DCPS: variants seen among roughly 807,000 people sequenced by gnomAD.
DCPS encodes the protein m7GpppX diphosphatase.
DCPS carries 27 observed loss-of-function variants against 34.7 expected under a neutral mutation model. That is an observed-to-expected ratio of 0.78 (90% CI 0.57 to 1.07). The LOEUF is 1.07. Ranked by LOEUF, DCPS falls within the 50% of genes least tolerant of loss-of-function variation. DCPS has a pLI of 0.00. For synonymous variants in DCPS, 185 were observed against 185.7 expected (o/e 1.00, Z 0.03); for missense variants, 464 against 436.9 (o/e 1.06, Z -0.55).
Position 126,336,700 on chromosome 11 carries a change from A to G in DCPS, c.523-1586A>G, listed in dbSNP as rs558833980. On this transcript the variant is annotated intron_variant, in intron 3 of 5. Coordinates refer to ENST00000263579, the MANE Select transcript of DCPS (RefSeq NM_014026.6). The surrounding 1 kb of genome is among the most constrained non-coding windows in gnomAD (Gnocchi z 6.3). ...TGGCTTCCTCTGGCATCACATTCCC[A>G]GGAGATTTCAGGTCAGAGAGGAAAT... is the stretch of plus-strand genomic sequence containing the variant. 3.3e-5 allele frequency: 5 copies of G among 152,344 alleles called. No individual in the cohort carries two copies. The East Asian group carries it at 9.7e-4, about 29-fold the overall frequency. The allele number at this position is 152,344 out of a possible 1,614,324, so 9.4% of individuals were successfully genotyped here. A position where few individuals can be genotyped will look rare whatever the true frequency, so the allele number is the denominator to read the frequency against.
chr11:126,348,872 A>G lies in DCPS; in HGVS notation c.*3259A>G, dbSNP rs116520811. On this transcript the variant is annotated 3_prime_UTR_variant, in exon 6 of 6. Transcript: ENST00000263579. The surrounding 1 kb of genome is among the most constrained non-coding windows in gnomAD (Gnocchi z 5.3). ...TATAGCAGATCATTTCATGACCCAC[A>G]TTCTCCTTCCTTTTTACGAAGAAAT... Among the ~76,000 whole-genome samples the G allele has an allele frequency of 3.9e-3, 588 of 152,248 alleles. 3 individuals are homozygous for G. Among genetic ancestry groups the G allele is most frequent in the African/African-American group, 0.013 (550 of 41,550 alleles).
At position 126,345,317 on chromosome 11, in the gene DCPS, C is replaced by T; in HGVS notation, c.748-30C>T. 6.2e-7 allele frequency: 1 copy of T among 1,612,046 alleles called. No homozygotes were observed. The highest frequency in any genetic ancestry group is 8.5e-7 in the Non-Finnish European group (1 of 1,179,364). The stretch of plus-strand genomic sequence containing the variant: ...CGCCGGGCCTCAGGCAGCACGGTGA[C>T]TCCTGACCTGCCTGCCCCTGTCTCA... On this transcript the variant is annotated intron_variant, in intron 5 of 5. Transcript: ENST00000263579. The surrounding 1 kb of genome is among the most constrained non-coding windows in gnomAD (Gnocchi z 7.4).
chr11:126,307,251 T>G (rs1159578103), intron 2 of DCPS, among the ~76,000 whole-genome samples: 1 of 150,768 alleles, frequency 6.6e-6, no homozygotes, highest in African/African-American at 2.4e-5. Flanking sequence ...GAGACTCGCT[T>G]GAACCCAGGA....
At position 126,348,314 on chromosome 11, in the gene DCPS, T is replaced by C. The variant is rs1951956121; in HGVS notation, c.*2701T>C. Reference sequence around the variant, plus strand: ...CCTCTCTGGGATAGCGTCCCCTCACTCCTCTCCCAGCCTCGTTTATCTTCA... The same window carrying C: ...CCTCTCTGGGATAGCGTCCCCTCACCCCTCTCCCAGCCTCGTTTATCTTCA... On this transcript the variant is annotated 3_prime_UTR_variant, in exon 6 of 6. Coordinates refer to ENST00000263579, the MANE Select transcript of DCPS (RefSeq NM_014026.6). The surrounding 1 kb of genome is among the most constrained non-coding windows in gnomAD (Gnocchi z 5.3). Among the ~76,000 whole-genome samples the C allele has an allele frequency of 6.6e-6, 1 of 152,038 alleles. No homozygotes were observed. Among genetic ancestry groups the C allele is most frequent in the Non-Finnish European group, 1.5e-5 (1 of 67,996 alleles).
intron 2 of DCPS, among the ~76,000 whole-genome samples, chr11:126,326,522 A>G (rs1372832545): frequency 6.6e-6 from 1 of 152,222 alleles, no homozygotes; most frequent in Non-Finnish European, 1.5e-5. Context: ...ATAGTGTTAT[A>G]GGGCTGAGGT....
intron 2 of DCPS, among the ~76,000 whole-genome samples, chr11:126,326,696 T>G (rs1786699): frequency 0.59 from 90,021 of 151,994 alleles, 27,247 homozygotes; most frequent in East Asian, 0.98. Flanking sequence ...GGCCGAGGCA[T>G]GTGGATCACG....
At position 126,340,366 on chromosome 11, in the gene DCPS, G is replaced by C. The variant is rs186494068; in HGVS notation, c.636+1967G>C. On this transcript the variant is annotated intron_variant, in intron 4 of 5. Coordinates refer to ENST00000263579, the MANE Select transcript of DCPS (RefSeq NM_014026.6). Reference sequence around the variant, plus strand: ...AGACAGAGTCTCACTCTGTTGCCCAGGCTGGAGTGTAGTGGTGTGATCTCA... The same window carrying C: ...AGACAGAGTCTCACTCTGTTGCCCACGCTGGAGTGTAGTGGTGTGATCTCA... Among the ~76,000 whole-genome samples the C allele has an allele frequency of 2.0e-5, 3 of 151,824 alleles. No individual in the cohort carries two copies. The East Asian group carries it at 5.8e-4, about 29-fold the overall frequency.
rs1466014344 is a variant in DCPS at position 126,332,414 on chromosome 11, C to T, written c.522+864C>T. Among the ~76,000 whole-genome samples the T allele has an allele frequency of 6.6e-6, 1 of 152,220 alleles. No homozygotes were observed. Among genetic ancestry groups the T allele is most frequent in the African/African-American group, 2.4e-5 (1 of 41,450 alleles). On this transcript the variant is annotated intron_variant, in intron 3 of 5. Coordinates refer to ENST00000263579, the MANE Select transcript of DCPS (RefSeq NM_014026.6). The surrounding 1 kb of genome is among the most constrained non-coding windows in gnomAD (Gnocchi z 5.4). ...CTTATTGATGAGTCAGTTTCTTGCC[C>T]ACTCACTGACTCTGACACTGTGCCT...
chr11:126,316,944 C>G (rs1305864680), intron 2 of DCPS, among the ~76,000 whole-genome samples: 1 of 146,400 alleles, frequency 6.8e-6, no homozygotes, highest in East Asian at 2.0e-4. Context: ...GTGTGACCCA[C>G]CATGCCCGGC....
intron 2 of DCPS, among the ~76,000 whole-genome samples, chr11:126,318,178 G>T (rs1398660363): frequency 6.6e-6 from 1 of 152,184 alleles, no homozygotes; most frequent in Non-Finnish European, 1.5e-5. Flanking sequence ...GTCTCTAATA[G>T]CAGCTCTGTG....
rs1951852867 is a variant in DCPS, at chr11:126,338,515, A to G, written c.636+116A>G. The G allele has an allele frequency of 3.1e-6, 3 of 964,508 alleles. No homozygotes were observed. The highest frequency in any genetic ancestry group is 2.9e-5 in the South Asian group (2 of 69,190). The allele number at this position is 964,508 out of a possible 1,614,324, so 59.7% of individuals were successfully genotyped here. A position where few individuals can be genotyped will look rare whatever the true frequency, so the allele number is the denominator to read the frequency against. On this transcript the variant is annotated intron_variant, in intron 4 of 5. Transcript: ENST00000263579. This position sits in a 1 kb window ranked among gnomAD's most constrained non-coding sequence, Gnocchi z 5.4. ...TCTCTAAGCAGATTATAATTAACCA[A>G]CAAGGGTTGGCCTGAGCTCTCTGTG...
chr11:126,343,556 A>G, intron 5 of DCPS, 139 bp downstream of exon 5: 1 of 743,438 alleles, frequency 1.3e-6, no homozygotes, highest in Non-Finnish European at 2.3e-6. Flanking sequence ...TGGGGACCCC[A>G]TTAGGCTCTT....
chr11:126,339,565 A>G (rs1021973829), intron 4 of DCPS, among the ~76,000 whole-genome samples: 5 of 152,210 alleles, frequency 3.3e-5, no homozygotes, highest in Non-Finnish European at 5.9e-5. Flanking sequence ...GGGGTGGGAA[A>G]GAATTTGAAG....
Position 126,331,672 on chromosome 11 carries a change from A to G in DCPS, c.522+122A>G. On this transcript the variant is annotated intron_variant, in intron 3 of 5. Coordinates refer to ENST00000263579, the MANE Select transcript of DCPS (RefSeq NM_014026.6). The surrounding 1 kb of genome is among the most constrained non-coding windows in gnomAD (Gnocchi z 7.2). ...GTGCTGGGCGAGGGGATGGGGGTACAGTAGAGAGCATGGCGGACAGAATCC... is the reference window on the plus strand; with the variant it reads ...GTGCTGGGCGAGGGGATGGGGGTACGGTAGAGAGCATGGCGGACAGAATCC... The G allele has an allele frequency of 8.0e-7, 1 of 1,249,526 alleles. No homozygotes were observed. Among genetic ancestry groups the G allele is most frequent in the South Asian group, 1.5e-5 (1 of 68,616 alleles). The allele number at this position is 1,249,526 out of a possible 1,614,324, so 77.4% of individuals were successfully genotyped here.
Position 126,327,380 on chromosome 11 carries a change from G to A in DCPS, c.377-4025G>A, listed in dbSNP as rs1951749232. Among the ~76,000 whole-genome samples, 1 of 152,230 alleles carries A rather than the reference G, an allele frequency of 6.6e-6. No individual in the cohort carries two copies. The highest frequency in any genetic ancestry group is 1.5e-5 in the Non-Finnish European group (1 of 68,046). The stretch of plus-strand genomic sequence containing the variant: ...ACATGATCAGGAGGCACATGATGTC[G>A]GCGTGCCCAGCAGGGGTGACGGTGA... On this transcript the variant is annotated intron_variant, in intron 2 of 5. Coordinates refer to ENST00000263579, the MANE Select transcript of DCPS (RefSeq NM_014026.6). The surrounding 1 kb of genome is among the most constrained non-coding windows in gnomAD (Gnocchi z 4.1).
chr11:126,304,105 G>C lies in DCPS; in HGVS notation c.25G>C (p.Gly9Arg), dbSNP rs763469702. MADAAPQL[G>R]KRKRELDVEE... ...CATGGCGGACGCAGCTCCTCAACTA[G>C]GCAAGAGGAAGCGCGAATTGGACGT... The change falls in exon 1 of 6, where the codon GGC (glycine) becomes CGC (arginine). Residue 9 changes from glycine (G) to arginine (R), a missense_variant. By Grantham distance (125) the Gly-to-Arg change is moderately radical. Transcript: ENST00000263579. 6.2e-7 allele frequency: 1 copy of C among 1,611,870 alleles called. No individual in the cohort carries two copies. Among genetic ancestry groups the C allele is most frequent in the African/African-American group, 1.3e-5 (1 of 74,924 alleles).
In DCPS at chr11:126,343,806, G is replaced by A. The variant is rs531169925; in HGVS notation, c.747+389G>A. 1.1e-4 allele frequency among the ~76,000 whole-genome samples: 16 copies of A among 152,318 alleles called. No homozygotes were observed. In the East Asian group the frequency reaches 2.5e-3, roughly 24 times the overall value. On this transcript the variant is annotated intron_variant, in intron 5 of 5. Coordinates refer to ENST00000263579, the MANE Select transcript of DCPS (RefSeq NM_014026.6). ...ACATGACTTCGATATGTGTGTACACGTGTGTCTCCTTGTCTAGATTGAAGA... is the reference window on the plus strand; with the variant it reads ...ACATGACTTCGATATGTGTGTACACATGTGTCTCCTTGTCTAGATTGAAGA...
chr11:126,325,747 G>A lies in DCPS; in HGVS notation c.377-5658G>A. 6.8e-6 allele frequency among the ~76,000 whole-genome samples: 1 copy of A among 147,064 alleles called. No individual in the cohort carries two copies. The highest frequency in any genetic ancestry group is 2.1e-4 in the South Asian group (1 of 4,772). On this transcript the variant is annotated intron_variant, in intron 2 of 5. Coordinates refer to ENST00000263579, the MANE Select transcript of DCPS (RefSeq NM_014026.6). The surrounding 1 kb of genome is among the most constrained non-coding windows in gnomAD (Gnocchi z 4.3). Reference sequence around the variant, plus strand: ...GGGAACTCTGTAAGGAGTGTTGGAGGTGCTCTTAATATATTGTGAAGATTT... The same window carrying A: ...GGGAACTCTGTAAGGAGTGTTGGAGATGCTCTTAATATATTGTGAAGATTT...
At position 126,329,746 on chromosome 11, in the gene DCPS, G is replaced by T. The variant is rs1021932204; in HGVS notation, c.377-1659G>T. 2.0e-5 allele frequency among the ~76,000 whole-genome samples: 3 copies of T among 152,172 alleles called. No homozygotes were observed. The highest frequency in any genetic ancestry group is 7.2e-5 in the African/African-American group (3 of 41,438). ...GTCCCAGCCCACCCTCTTCACTGACGTATGAAAGCGGGGTTAAAACCACCT... is the reference window on the plus strand; with the variant it reads ...GTCCCAGCCCACCCTCTTCACTGACTTATGAAAGCGGGGTTAAAACCACCT... On this transcript the variant is annotated intron_variant, in intron 2 of 5. Coordinates refer to ENST00000263579, the MANE Select transcript of DCPS (RefSeq NM_014026.6). This position sits in a 1 kb window ranked among gnomAD's most constrained non-coding sequence, Gnocchi z 5.0.
Sources: gnomAD v4.1 joint callset for allele counts (sites outside exome capture counted in the v4.1 genomes callset) on GRCh38, gnomAD v4.1.1 for gene constraint, Gnocchi (gnomAD v3.1) non-coding constraint, MANE v1.5 for transcripts, NCBI Gene and HGNC (gene_info 2026-07-23, HGNC 2026-07-21) for gene names.